Variants in ZNF385D observed in about 807,000 individuals in gnomAD.
ZNF385D encodes the protein zinc finger protein 659.
A neutral mutation model predicts 35.8 loss-of-function variants in ZNF385D; 15 were observed. That is an observed-to-expected ratio of 0.42 (90% confidence interval 0.28 to 0.64). The LOEUF (loss-of-function observed/expected upper bound fraction) is 0.64. Among genes scored for constraint, ZNF385D ranks in the 30% least tolerant of loss-of-function variants. ZNF385D has a pLI of 0.23. For missense variants in ZNF385D, 474 were observed against 494.6 expected, an observed-to-expected ratio of 0.96 and a Z score of 0.39; for synonymous variants, 212 against 186.8, an observed-to-expected ratio of 1.13 and a Z score of -1.10.
chr3:22,224,114 A>T (rs1034294876), intron 2 of ZNF385D, among the ~76,000 whole-genome samples: 1 of 152,224 alleles, frequency 6.6e-6, no homozygotes, highest in African/African-American at 2.4e-5. Context: ...TAAACTGGTC[A>T]TGAATTTGAC....
intron 5 of ZNF385D, among the ~76,000 whole-genome samples, chr3:21,429,435 T>C (rs1701189014): frequency 6.6e-6 from 1 of 152,082 alleles, no homozygotes; most frequent in Non-Finnish European, 1.5e-5. Flanking sequence ...ATCGAGATGA[T>C]ATATTTAACC....
intron 3 of ZNF385D, among the ~76,000 whole-genome samples, chr3:21,915,711 G>A (rs1029537119): frequency 1.3e-5 from 2 of 152,084 alleles, no homozygotes; most frequent in Non-Finnish European, 2.9e-5. Context: ...ATTGCACATA[G>A]CATTAGGAAG....
intron 2 of ZNF385D, among the ~76,000 whole-genome samples, chr3:22,295,434 G>A (rs1702519109): frequency 6.6e-6 from 1 of 150,786 alleles, no homozygotes; most frequent in Non-Finnish European, 1.5e-5. Flanking sequence ...TCCTATAAGA[G>A]AATTATAACA....
chr3:21,871,665 T>C (rs1054130202), intron 3 of ZNF385D, among the ~76,000 whole-genome samples: 4 of 152,152 alleles, frequency 2.6e-5, no homozygotes, highest in African/African-American at 9.7e-5. Context: ...GATAGCATCC[T>C]GAACCAAGTG....
intron 3 of ZNF385D, among the ~76,000 whole-genome samples, chr3:21,806,495 G>A (rs909492865): frequency 1.3e-5 from 2 of 151,990 alleles, no homozygotes; most frequent in African/African-American, 2.4e-5. Flanking sequence ...GTGAGCCACC[G>A]CGCCTGGCCA....
At chr3:21,739,970 A>T (rs2069431426) in intron 1 of ZNF385D, among the ~76,000 whole-genome samples, 1 of 152,166 alleles carries the variant, frequency 6.6e-6, no homozygotes, top group Non-Finnish European at 1.5e-5. Flanking sequence ...CAAAGAGATC[A>T]AGTTGCTTGC....
chr3:21,445,693 T>C (rs1702111496), intron 4 of ZNF385D, among the ~76,000 whole-genome samples: 1 of 152,204 alleles, frequency 6.6e-6, no homozygotes. Context: ...GAACAGTGTC[T>C]GCCAGACTGT....
At chr3:21,522,571 C>T (rs1274743868) in intron 3 of ZNF385D, among the ~76,000 whole-genome samples, 1 of 152,104 alleles carries the variant, frequency 6.6e-6, no homozygotes, top group Non-Finnish European at 1.5e-5. Context: ...AACTCCTGAC[C>T]TTGTGATCTG....
intron 3 of ZNF385D, among the ~76,000 whole-genome samples, chr3:21,952,969 T>C (rs1702130611): frequency 6.6e-6 from 1 of 152,020 alleles, no homozygotes; most frequent in Non-Finnish European, 1.5e-5. Context: ...CCTTAAATAC[T>C]TTCTATTCTT....
rs1273488615 is a variant in ZNF385D at position 21,930,352 on chromosome 3, A to G, written c.325+238465T>C. Among the ~76,000 whole-genome samples the G allele has an allele frequency of 2.0e-5, 3 of 152,074 alleles. No individual in the cohort carries two copies. The East Asian group carries it at 5.8e-4, about 29-fold the overall frequency. On this transcript the variant is annotated intron_variant, in intron 3 of 5. Coordinates refer to the ZNF385D transcript ENST00000494108. ...ATCTAAAAAACCTTTGGAAGAATAT[A>G]TAAAAGAACTTATCATCTTAATTAG...
intron 3 of ZNF385D, among the ~76,000 whole-genome samples, chr3:22,097,541 G>A (rs1701697582): frequency 6.6e-6 from 1 of 152,070 alleles, no homozygotes; most frequent in Non-Finnish European, 1.5e-5. Context: ...GCAAGATCTT[G>A]CTAAAGAGTT....
At chr3:22,311,278 T>C (rs1000523614) in intron 2 of ZNF385D, among the ~76,000 whole-genome samples, 5 of 152,062 alleles carry the variant, frequency 3.3e-5, no homozygotes, top group Non-Finnish European at 7.4e-5. Context: ...ACTTAAATGA[T>C]ACAGAGTGAA....
chr3:22,201,671 T>C (rs1696809923), intron 2 of ZNF385D, among the ~76,000 whole-genome samples: 1 of 152,036 alleles, frequency 6.6e-6, no homozygotes, highest in African/African-American at 2.4e-5. Context: ...TTCTCTCACA[T>C]TTTATGCTGA....
At chr3:21,768,459 C>T (rs1423774902) in intron 3 of ZNF385D, among the ~76,000 whole-genome samples, 2 of 151,862 alleles carry the variant, frequency 1.3e-5, no homozygotes, top group Non-Finnish European at 2.9e-5. Flanking sequence ...TCTTTTGGAA[C>T]TCTGGAGTCT....
intron 2 of ZNF385D, among the ~76,000 whole-genome samples, chr3:22,178,155 G>A (rs568931716): frequency 3.9e-5 from 6 of 152,210 alleles, no homozygotes; most frequent in South Asian, 4.1e-4. Flanking sequence ...CTGAGGAATC[G>A]CCACACCGAC....
intron 2 of ZNF385D, among the ~76,000 whole-genome samples, chr3:21,648,101 C>A (rs1032368546): frequency 1.3e-5 from 2 of 152,132 alleles, no homozygotes; most frequent in African/African-American, 4.8e-5. Context: ...TGTGTCCCCA[C>A]CCAAATGTCA....
intron 3 of ZNF385D, chr3:21,563,372 C>G (rs773665286): frequency 5.9e-5 from 9 of 152,180 alleles, no homozygotes; most frequent in Non-Finnish European, 1.0e-4. Flanking sequence ...TTTGTTTTAG[C>G]TGGCCAAATG....
intron 4 of ZNF385D, among the ~76,000 whole-genome samples, chr3:21,438,524 A>G (rs1324478533): frequency 6.6e-6 from 1 of 152,154 alleles, no homozygotes; most frequent in Non-Finnish European, 1.5e-5. Flanking sequence ...ATCCAGGCAT[A>G]GGGGTGAAAA....
chr3:22,075,013 T>C (rs757806421), intron 3 of ZNF385D, among the ~76,000 whole-genome samples: 1 of 151,958 alleles, frequency 6.6e-6, no homozygotes. Context: ...GTTAGTTCAA[T>C]AGCCCTCAAT....
Sources: gnomAD v4.1 joint callset for allele counts (sites outside exome capture counted in the v4.1 genomes callset) on GRCh38, gnomAD v4.1.1 for gene constraint, MANE v1.5 for transcripts, NCBI Gene and HGNC (gene_info 2026-07-23, HGNC 2026-07-21) for gene names.